COL6A2: variants seen among roughly 807,000 people sequenced by gnomAD.
The protein encoded by COL6A2 is collagen type VI alpha 2 chain, also known as collagen alpha-2(VI) chain.
COL6A2 carries 90 observed loss-of-function variants against 124.9 expected under a neutral mutation model. That is an observed-to-expected ratio of 0.72 (90% confidence interval 0.61 to 0.86). The LOEUF is 0.86. Ranked by LOEUF, COL6A2 falls within the 40% of genes least tolerant of loss-of-function variation. The pLI, the probability that COL6A2 is intolerant of heterozygous loss-of-function variation, is 0.00. For missense variants in COL6A2, 1,607 were observed against 1,502.5 expected (o/e 1.07, Z -1.15); for synonymous variants, 793 against 618.2 (o/e 1.28, Z -4.19).
intron 27 of COL6A2, chr21:46,128,832 G>A: frequency 1.5e-6 from 2 of 1,296,794 alleles, no homozygotes; most frequent in African/African-American, 1.5e-5. Context: ...TTGAGGGGTG[G>A]CTGGGGTCTT....
Position 46,119,785 on chromosome 21 carries a change from C to CA in COL6A2, c.1270-2dup. On this transcript the variant is annotated splice_region_variant and splice_polypyrimidine_tract_variant and intron_variant, in intron 14 of 27. Coordinates refer to ENST00000300527, the MANE Select transcript of COL6A2 (RefSeq NM_001849.4). ...CCCTCACCCACACGCCTGTTCTCTG[C>CA]AGGGGCGCAGGGGAGACCCCGGCAC... 6.4e-7 allele frequency: 1 copy of CA among 1,559,506 alleles called. No homozygotes were observed. The highest frequency in any genetic ancestry group is 8.7e-7 in the Non-Finnish European group (1 of 1,151,292).
chr21:46,107,173 T>TTTCTAACTGGTTGTTAGAAAATGTTTC (rs1457350126), intron 1 of COL6A2, among the ~76,000 whole-genome samples: 2 of 152,306 alleles, frequency 1.3e-5, no homozygotes, highest in East Asian at 1.9e-4. Flanking sequence ...TCTGCAACAT[T>TTTCTAACTGGTTGTTAGAAAATGTTTC]TTCTAACTGG....
intron 15 of COL6A2, among the ~76,000 whole-genome samples, chr21:46,120,125 C>CCCCACTGAGGTACCGCTCACACCCCCGG (rs1555874061): frequency 6.8e-4 from 55 of 81,382 alleles, no homozygotes; most frequent in African/African-American, 1.4e-3. Context: ...ACCCCCCGGC[C>CCCCACTGAGGTACCGCTCACACCCCCGG]CCCACTGAGG....
Position 46,103,654 on chromosome 21 carries a change from T to C in COL6A2, c.-28+5481T>C, listed in dbSNP as rs2078309383. On this transcript the variant is annotated intron_variant, in intron 1 of 27. Transcript: ENST00000300527. ...ATAATTTCCCTTGTGATTTCTTCTCTGATCCTTGGTTATTTAACAGGGTGT... is the reference window on the plus strand; with the variant it reads ...ATAATTTCCCTTGTGATTTCTTCTCCGATCCTTGGTTATTTAACAGGGTGT... Among the ~76,000 whole-genome samples, 4 of 152,376 alleles carry C rather than the reference T, an allele frequency of 2.6e-5. No homozygotes were observed. In the South Asian group the frequency reaches 8.3e-4, roughly 32 times the overall value.
In COL6A2 at chr21:46,112,751, C is replaced by T. The variant is rs2078422449; in HGVS notation, c.715-53C>T. 14 of 1,612,814 alleles carry T rather than the reference C, an allele frequency of 8.7e-6. No homozygotes were observed. In the East Asian group the frequency reaches 2.9e-4, roughly 33 times the overall value. On this transcript the variant is annotated intron_variant, in intron 3 of 27. Transcript: ENST00000300527. ...ATCCCCACCCAGACTCGAGGTGCAG[C>T]CGCCCCAGGTCTCGAGGCACACGGC...
chr21:46,124,015 G>A (rs980223183), intron 21 of COL6A2, among the ~76,000 whole-genome samples: 1 of 149,274 alleles, frequency 6.7e-6, no homozygotes, highest in African/African-American at 2.5e-5. Flanking sequence ...ATGGTTAGGT[G>A]AATGAGTGGA....
chr21:46,119,918 C>A lies in COL6A2; in HGVS notation c.1332+68C>A, dbSNP rs2078534105. On this transcript the variant is annotated intron_variant, in intron 15 of 27. Coordinates refer to ENST00000300527, the MANE Select transcript of COL6A2 (RefSeq NM_001849.4). ...CCCATGGGCCCTGCTGACGAGGGCC[C>A]CAACCCCATTCCTCCCAGAGAACAA... 4.3e-6 allele frequency: 6 copies of A among 1,384,840 alleles called. No homozygotes were observed. The South Asian group carries it at 7.4e-5, about 17-fold the overall frequency. The allele number at this position is 1,384,840 out of a possible 1,614,324, so 85.8% of individuals were successfully genotyped here. A position where few individuals can be genotyped will look rare whatever the true frequency, so the allele number is the denominator to read the frequency against.
rs1052729043 is a variant in COL6A2, at chr21:46,131,061, G to A, written c.2462-893G>A. Among the ~76,000 whole-genome samples, 3 of 152,176 alleles carry A rather than the reference G, an allele frequency of 2.0e-5. No individual in the cohort carries two copies. In the South Asian group the frequency reaches 6.2e-4, roughly 32 times the overall value. On this transcript the variant is annotated intron_variant, in intron 27 of 27. Transcript: ENST00000300527. Reference sequence around the variant, plus strand: ...CAGGGTCCTCTGTGTGCATTCCTGGGGGTCCATGTACCAGCTGTGACGACG... The same window carrying A: ...CAGGGTCCTCTGTGTGCATTCCTGGAGGTCCATGTACCAGCTGTGACGACG...
chr21:46,122,170 C>A lies in COL6A2; in HGVS notation c.1572+12C>A. ...CCCGAGGAGCACCCGTGAGTCACAG[C>A]CTGGGATGGCAGCTCCCAGGAGTGG... On this transcript the variant is annotated intron_variant, in intron 19 of 27. Coordinates refer to ENST00000300527, the MANE Select transcript of COL6A2 (RefSeq NM_001849.4). 6.2e-7 allele frequency: 1 copy of A among 1,612,164 alleles called. No individual in the cohort carries two copies. Among genetic ancestry groups the A allele is most frequent in the South Asian group, 1.1e-5 (1 of 90,910 alleles).
intron 27 of COL6A2, chr21:46,128,947 G>C: frequency 6.2e-7 from 1 of 1,611,324 alleles, no homozygotes; most frequent in Non-Finnish European, 8.5e-7. Flanking sequence ...CTCGGGGTCC[G>C]TGGTGTCCCC....
chr21:46,109,601 C>G (rs557093789), intron 1 of COL6A2, among the ~76,000 whole-genome samples: 2 of 152,298 alleles, frequency 1.3e-5, no homozygotes, highest in African/African-American at 4.8e-5. Flanking sequence ...AGCACCCCCC[C>G]AAGCCTCCCC....
intron 19 of COL6A2, 68 bp from the exon 20 acceptor site, chr21:46,122,428 C>T (rs1214343995): frequency 1.3e-6 from 2 of 1,597,608 alleles, no homozygotes; most frequent in Admixed American, 3.3e-5. Context: ...CTGCAGAAAG[C>T]TGCCCAGAGG....
In COL6A2 at chr21:46,117,913, G is replaced by C; in HGVS notation, c.1093G>C (p.Glu365Gln). The change falls in exon 12 of 28, where the codon GAG (glutamate) becomes CAG (glutamine). Residue 365 changes from glutamate (E) to glutamine (Q), a missense_variant. Coordinates refer to ENST00000300527, the MANE Select transcript of COL6A2 (RefSeq NM_001849.4). ...GYPGEAGSPG[E>Q]RGDQGGKGDP... ...CCCGGGGGAAGCAGGGAGTCCAGGG[G>C]AGCGAGGAGACCAAGGCGGCAAGGT... The C allele has an allele frequency of 6.2e-7, 1 of 1,612,946 alleles. No homozygotes were observed. Among genetic ancestry groups the C allele is most frequent in the Non-Finnish European group, 8.5e-7 (1 of 1,179,832 alleles).
intron 1 of COL6A2, among the ~76,000 whole-genome samples, chr21:46,103,655 G>T (rs1270715200): frequency 6.6e-6 from 1 of 152,112 alleles, no homozygotes. Flanking sequence ...TTTCTTCTCT[G>T]ATCCTTGGTT....
At position 46,104,450 on chromosome 21, in the gene COL6A2, G is replaced by T. The variant is rs79332712; in HGVS notation, c.-28+6277G>T. 1.4e-3 allele frequency among the ~76,000 whole-genome samples: 214 copies of T among 152,170 alleles called. 2 individuals are homozygous for T. Among genetic ancestry groups the T allele is most frequent in the African/African-American group, 5.0e-3 (209 of 41,504 alleles). On this transcript the variant is annotated intron_variant, in intron 1 of 27. Coordinates refer to ENST00000300527, the MANE Select transcript of COL6A2 (RefSeq NM_001849.4). Reference sequence around the variant, plus strand: ...TCAGCAGGCAGAATAAAGAATCAGGGAACTTGAAGATACAAAAATGGAAAT... The same window carrying T: ...TCAGCAGGCAGAATAAAGAATCAGGTAACTTGAAGATACAAAAATGGAAAT...
chr21:46,132,630 G>T lies in COL6A2; in HGVS notation c.*78G>T. 8.0e-6 allele frequency: 11 copies of T among 1,371,696 alleles called. No individual in the cohort carries two copies. Among genetic ancestry groups the T allele is most frequent in the Non-Finnish European group, 1.1e-5 (11 of 996,922 alleles). 85.0% of individuals were successfully genotyped at this position (1,371,696 alleles called of 1,614,324 possible). Reference sequence around the variant, plus strand: ...TGCTAAGCGGGCCCGGGTCCCACACGGCCAGCACCGCTGCTCACTCGGACG... The same window carrying T: ...TGCTAAGCGGGCCCGGGTCCCACACTGCCAGCACCGCTGCTCACTCGGACG... On this transcript the variant is annotated 3_prime_UTR_variant, in exon 28 of 28. Coordinates refer to ENST00000300527, the MANE Select transcript of COL6A2 (RefSeq NM_001849.4).
chr21:46,129,931 G>A (rs950900763), intron 27 of COL6A2: 3 of 790,388 alleles, frequency 3.8e-6, no homozygotes, highest in Non-Finnish European at 4.6e-6. Context: ...ATGGGGCTGA[G>A]GGAGGGTGCT....
chr21:46,119,319 G>A (rs921323736), intron 14 of COL6A2, among the ~76,000 whole-genome samples, 200 bp downstream of exon 14: 5 of 152,180 alleles, frequency 3.3e-5, no homozygotes, highest in African/African-American at 9.7e-5. Flanking sequence ...GTAAAGCCCA[G>A]GCAGGTCCTC....
At chr21:46,126,697 G>A (rs1244835150) in intron 27 of COL6A2, among the ~76,000 whole-genome samples, 156 bp downstream of exon 27, 4 of 152,160 alleles carry the variant, frequency 2.6e-5, no homozygotes, top group Non-Finnish European at 4.4e-5. Context: ...GCCCCAGGAT[G>A]GCAGCACAGG....
Sources: allele counts gnomAD v4.1 joint callset (sites outside exome capture counted in the v4.1 genomes callset), GRCh38; gene constraint gnomAD v4.1.1; transcripts MANE v1.5; gene names NCBI Gene and HGNC (gene_info 2026-07-23, HGNC 2026-07-21).